Variants in ARHGAP42 observed in about 807,000 individuals in gnomAD.
ARHGAP42 encodes the protein Rho GTPase activating protein 42.
Under a neutral mutation model 125.0 loss-of-function variants are expected in ARHGAP42, and 63 were observed. The ratio of observed to expected loss-of-function variants is 0.50; its 90% CI spans 0.41 to 0.62. The LOEUF is 0.62. Ranked by LOEUF, ARHGAP42 falls within the 20% of genes least tolerant of loss-of-function variation. ARHGAP42 has a pLI of 0.00. For missense variants in ARHGAP42, 766 were observed against 1,024.2 expected (o/e 0.75, Z 3.44); for synonymous variants, 339 against 351.0 (o/e 0.97, Z 0.38).
chr11:100,800,554 T>C (rs1052363963), intron 3 of ARHGAP42, among the ~76,000 whole-genome samples: 1 of 152,126 alleles, frequency 6.6e-6, no homozygotes, highest in Non-Finnish European at 1.5e-5. Flanking sequence ...GGAGAGGAAA[T>C]GGCTCAAGAA....
intron 2 of ARHGAP42, among the ~76,000 whole-genome samples, chr11:100,794,684 G>A (rs1714802090): frequency 6.6e-6 from 1 of 152,164 alleles, no homozygotes; most frequent in African/African-American, 2.4e-5. Context: ...CTGCTACTAA[G>A]TACACGAAAT....
intron 3 of ARHGAP42, among the ~76,000 whole-genome samples, chr11:100,859,165 G>C (rs2135140284): frequency 6.6e-6 from 1 of 152,088 alleles, no homozygotes; most frequent in Middle Eastern, 3.4e-3. Context: ...TGGAAAAATG[G>C]AAGAGCTTTT....
intron 3 of ARHGAP42, among the ~76,000 whole-genome samples, chr11:100,844,938 G>A (rs924548895): frequency 6.6e-6 from 1 of 152,004 alleles, no homozygotes; most frequent in Non-Finnish European, 1.5e-5. Context: ...CCACTACTGG[G>A]TATCTACTCA....
chr11:100,714,187 A>G (rs1861612281), intron 1 of ARHGAP42, among the ~76,000 whole-genome samples: 1 of 152,208 alleles, frequency 6.6e-6, no homozygotes, highest in African/African-American at 2.4e-5. Flanking sequence ...GAGCTTTTAT[A>G]TGATCTAAAG....
chr11:100,702,759 C>T (rs1356512365), intron 1 of ARHGAP42, among the ~76,000 whole-genome samples: 2 of 151,408 alleles, frequency 1.3e-5, no homozygotes, highest in African/African-American at 4.9e-5. Context: ...GCAAGCTCTG[C>T]CTCCCAGGTT....
chr11:100,906,324 A>G (rs1009948830), intron 4 of ARHGAP42, among the ~76,000 whole-genome samples: 12 of 152,232 alleles, frequency 7.9e-5, no homozygotes, highest in African/African-American at 2.9e-4. Flanking sequence ...AACTAGAAAT[A>G]GAAAGCTAGG....
Position 100,777,105 on chromosome 11 carries a change from G to A in ARHGAP42, c.250+6667G>A, listed in dbSNP as rs552934325. 5.3e-5 allele frequency among the ~76,000 whole-genome samples: 8 copies of A among 152,196 alleles called. No homozygotes were observed. In the East Asian group the frequency reaches 1.4e-3, roughly 26 times the overall value. ...GGATGAGAGCTCGAACATGAACCAA[G>A]TTTTGTGTACAGCATTGGCTGAGGT... On this transcript the variant is annotated intron_variant, in intron 2 of 23. Transcript: ENST00000298815.
chr11:100,940,969 A>G (rs1210085634), intron 8 of ARHGAP42, among the ~76,000 whole-genome samples: 1 of 152,178 alleles, frequency 6.6e-6, no homozygotes, highest in Non-Finnish European at 1.5e-5. Context: ...GATAACCGCT[A>G]AGAAGAAATG....
chr11:100,744,323 T>C (rs1299225579), intron 1 of ARHGAP42, among the ~76,000 whole-genome samples: 1 of 152,220 alleles, frequency 6.6e-6, no homozygotes, highest in Non-Finnish European at 1.5e-5. Flanking sequence ...GTTCTTACCT[T>C]TCTCTGATAT....
chr11:100,761,064 C>T (rs924609533), intron 1 of ARHGAP42, among the ~76,000 whole-genome samples: 1 of 152,008 alleles, frequency 6.6e-6, no homozygotes, highest in Non-Finnish European at 1.5e-5. Flanking sequence ...CAGGCCACCC[C>T]TGAGTTACTG....
chr11:100,741,510 C>T (rs929422188), intron 1 of ARHGAP42, among the ~76,000 whole-genome samples: 6 of 152,244 alleles, frequency 3.9e-5, no homozygotes, highest in African/African-American at 1.4e-4. Context: ...GACCCTTGCA[C>T]ATTCCCTGCC....
chr11:100,940,558 C>A (rs1007126965), intron 8 of ARHGAP42, among the ~76,000 whole-genome samples: 4 of 152,120 alleles, frequency 2.6e-5, no homozygotes, highest in African/African-American at 9.7e-5. Context: ...TGGACAATAA[C>A]ATGGGTGCTA....
At chr11:100,914,861 C>G (rs1022195463) in intron 5 of ARHGAP42, among the ~76,000 whole-genome samples, 2 of 152,134 alleles carry the variant, frequency 1.3e-5, no homozygotes, top group Admixed American at 6.5e-5. Flanking sequence ...TGCTTGACAA[C>G]TCAGAGTGTT....
chr11:100,983,966 C>T (rs1268434330), intron 22 of ARHGAP42, among the ~76,000 whole-genome samples: 2 of 152,046 alleles, frequency 1.3e-5, no homozygotes, highest in Admixed American at 1.3e-4. Flanking sequence ...AAATATAAAA[C>T]ATTAATTGGC....
chr11:100,873,833 G>A (rs891335243), intron 4 of ARHGAP42, among the ~76,000 whole-genome samples: 13 of 152,158 alleles, frequency 8.5e-5, no homozygotes, highest in Non-Finnish European at 1.3e-4. Flanking sequence ...GGGATTGAAC[G>A]CAGGCAGTTT....
chr11:100,985,329 G>A (rs1291131838), intron 22 of ARHGAP42, among the ~76,000 whole-genome samples: 3 of 152,114 alleles, frequency 2.0e-5, no homozygotes, highest in Non-Finnish European at 2.9e-5. Context: ...TTTACTGGAG[G>A]AAGCTGTTGC....
chr11:100,783,932 A>AG (rs967719080), intron 2 of ARHGAP42, among the ~76,000 whole-genome samples: 10 of 152,278 alleles, frequency 6.6e-5, no homozygotes, highest in South Asian at 2.1e-4. Flanking sequence ...ACAAAATAGA[A>AG]GGGGGGTCAA....
intron 2 of ARHGAP42, among the ~76,000 whole-genome samples, chr11:100,781,338 G>A (rs1056836745): frequency 6.6e-6 from 1 of 151,756 alleles, no homozygotes; most frequent in Non-Finnish European, 1.5e-5. Flanking sequence ...AGAAATGTTG[G>A]CTTGGTTTCC....
intron 17 of ARHGAP42, among the ~76,000 whole-genome samples, chr11:100,972,240 A>G (rs1439683647): frequency 6.6e-6 from 1 of 152,208 alleles, no homozygotes; most frequent in Non-Finnish European, 1.5e-5. Context: ...GTGTTATACT[A>G]ATAACCTGAC....
Sources: gnomAD v4.1 joint callset for allele counts (sites outside exome capture counted in the v4.1 genomes callset) on GRCh38, gnomAD v4.1.1 for gene constraint, MANE v1.5 for transcripts, NCBI Gene and HGNC (gene_info 2026-07-23, HGNC 2026-07-21) for gene names.